VTI1A: variants seen among roughly 807,000 people sequenced by gnomAD.
VTI1A encodes the protein vesicle transport through interaction with t-SNAREs 1A.
In VTI1A, 22 loss-of-function variants were observed where a neutral mutation model predicts 34.9. That is an observed-to-expected ratio of 0.63 (90% CI 0.45 to 0.90). The LOEUF is 0.90. VTI1A is among the 40% of genes least tolerant of loss of function. The pLI, the probability that VTI1A is intolerant of heterozygous loss-of-function variation, is 0.00. For synonymous variants in VTI1A, 87 were observed against 97.3 expected, an observed-to-expected ratio of 0.89 and a Z score of 0.62; for missense variants, 268 against 275.6, an observed-to-expected ratio of 0.97 and a Z score of 0.20.
chr10:112,707,292 C>G (rs892071039), intron 7 of VTI1A, among the ~76,000 whole-genome samples: 1 of 152,070 alleles, frequency 6.6e-6, no homozygotes, highest in African/African-American at 2.4e-5. Context: ...TCTCAGCCTC[C>G]CAAGTAGCTG....
chr10:112,519,630 C>G (rs1189629872), intron 3 of VTI1A, among the ~76,000 whole-genome samples: 5 of 152,028 alleles, frequency 3.3e-5, no homozygotes, highest in African/African-American at 4.8e-5. Context: ...GGACTCCAGC[C>G]TGTTGTGGCG....
At chr10:112,495,815 T>A (rs1172074144) in intron 3 of VTI1A, among the ~76,000 whole-genome samples, 1 of 152,128 alleles carries the variant, frequency 6.6e-6, no homozygotes, top group Non-Finnish European at 1.5e-5. Context: ...GTATTTAGAA[T>A]TGTATTTAGA....
chr10:112,842,065 T>C, the VTI1A span, among the ~76,000 whole-genome samples: 2,446 of 133,638 alleles, frequency 0.018, 78 homozygotes, highest in African/African-American at 0.068. Context: ...TTTTTTTTTT[T>C]TTTTTTTTTT....
chr10:112,566,151 GT>G (rs1159308496), intron 5 of VTI1A, among the ~76,000 whole-genome samples: 1 of 151,932 alleles, frequency 6.6e-6, no homozygotes, highest in Non-Finnish European at 1.5e-5. Flanking sequence ...AAATTAGTAT[GT>G]TTTTTTCTAA....
chr10:112,736,706 C>T (rs995000315), intron 7 of VTI1A: 2 of 1,551,634 alleles, frequency 1.3e-6, no homozygotes, highest in African/African-American at 1.4e-5. Flanking sequence ...ATAAGGATTT[C>T]TCTTCACTGT....
chr10:112,506,475 G>A (rs552453045), intron 3 of VTI1A, among the ~76,000 whole-genome samples: 34 of 152,262 alleles, frequency 2.2e-4, no homozygotes, highest in Middle Eastern at 3.4e-3. Context: ...AGTGGTTCCT[G>A]TGGAGAGTAC....
intron 7 of VTI1A, among the ~76,000 whole-genome samples, chr10:112,731,573 C>A (rs980096954): frequency 8.9e-6 from 1 of 112,854 alleles, no homozygotes; most frequent in African/African-American, 4.9e-5. Flanking sequence ...GAAACTCCAT[C>A]TCAAAAAAAA....
At chr10:112,646,500 G>A (rs887881612) in intron 5 of VTI1A, among the ~76,000 whole-genome samples, 1 of 151,912 alleles carries the variant, frequency 6.6e-6, no homozygotes, top group African/African-American at 2.4e-5. Flanking sequence ...AGGGTGATGA[G>A]CAAATCTGTG....
intron 7 of VTI1A, among the ~76,000 whole-genome samples, chr10:112,771,266 T>C (rs997900155): frequency 1.3e-5 from 2 of 152,252 alleles, no homozygotes; most frequent in Non-Finnish European, 1.5e-5. Flanking sequence ...AATGAGATCA[T>C]TTCTGTACAA....
At chr10:112,799,417 C>T (rs1331968316) in intron 7 of VTI1A, among the ~76,000 whole-genome samples, 2 of 152,180 alleles carry the variant, frequency 1.3e-5, no homozygotes, top group African/African-American at 4.8e-5. Context: ...AAAGAGAACA[C>T]CATTTCTGGC....
At chr10:112,659,470 G>A (rs1433746852) in intron 5 of VTI1A, among the ~76,000 whole-genome samples, 5 of 152,180 alleles carry the variant, frequency 3.3e-5, no homozygotes, top group East Asian at 1.9e-4. Context: ...GTTACTGGTA[G>A]CACAGCTTCA....
At chr10:112,499,611 C>G (rs565762712) in intron 3 of VTI1A, among the ~76,000 whole-genome samples, 6 of 152,196 alleles carry the variant, frequency 3.9e-5, no homozygotes, top group Admixed American at 2.0e-4. Flanking sequence ...CTACAGTCTT[C>G]CAACTTGAAT....
intron 3 of VTI1A, among the ~76,000 whole-genome samples, chr10:112,468,685 T>C (rs716169): frequency 0.58 from 87,666 of 151,968 alleles, 27,252 homozygotes; most frequent in Non-Finnish European, 0.7. Context: ...CTTACTCCCA[T>C]AACCTCCTCT....
chr10:112,514,270 C>A (rs1367551580), intron 3 of VTI1A, among the ~76,000 whole-genome samples: 1 of 151,944 alleles, frequency 6.6e-6, no homozygotes, highest in African/African-American at 2.4e-5. Flanking sequence ...TTATCCATTT[C>A]TTCTATTATC....
At chr10:112,738,894 T>G (rs958902239) in intron 7 of VTI1A, among the ~76,000 whole-genome samples, 1 of 152,138 alleles carries the variant, frequency 6.6e-6, no homozygotes, top group Non-Finnish European at 1.5e-5. Flanking sequence ...CTTATGGAAT[T>G]CAGCAGTGAC....
intron 7 of VTI1A, among the ~76,000 whole-genome samples, chr10:112,809,668 G>A (rs1853216777): frequency 6.6e-6 from 1 of 152,246 alleles, no homozygotes; most frequent in African/African-American, 2.4e-5. Flanking sequence ...TTAGAAACCA[G>A]GAGAGCAATA....
chr10:112,830,839 ATATATATATATT>A, the VTI1A span, among the ~76,000 whole-genome samples: 1 of 46,288 alleles, frequency 2.2e-5, no homozygotes, highest in Non-Finnish European at 4.3e-5. Context: ...ATATATATAT[ATATATATATATT>A]TTTTTTTTTT....
chr10:112,734,041 C>T (rs531786682), intron 7 of VTI1A, among the ~76,000 whole-genome samples: 43 of 152,202 alleles, frequency 2.8e-4, no homozygotes, highest in African/African-American at 9.9e-4. Flanking sequence ...CGTGAGCCAC[C>T]GTGCCTGGCC....
intron 5 of VTI1A, among the ~76,000 whole-genome samples, chr10:112,580,036 A>C (rs1843862592): frequency 6.6e-6 from 1 of 152,172 alleles, no homozygotes; most frequent in Non-Finnish European, 1.5e-5. Context: ...GATGAGGATT[A>C]GAATTATTAT....
Sources: allele counts gnomAD v4.1 joint callset (sites outside exome capture counted in the v4.1 genomes callset), GRCh38; gene constraint gnomAD v4.1.1; transcripts MANE v1.5; gene names NCBI Gene and HGNC (gene_info 2026-07-23, HGNC 2026-07-21).